The following FAM149A variants were observed in gnomAD, a reference collection of about 807,000 sequenced individuals.
The protein encoded by FAM149A is protein FAM149A.
Under a neutral mutation model 78.2 loss-of-function variants are expected in FAM149A, and 71 were observed. The ratio of observed to expected loss-of-function variants is 0.91; its 90% confidence interval spans 0.75 to 1.11. The LOEUF (loss-of-function observed/expected upper bound fraction) is 1.11, where lower values mean the gene tolerates loss of function less well. Ranked by LOEUF, FAM149A falls within the 50% of genes least tolerant of loss-of-function variation. The pLI is 0.00. For missense variants in FAM149A, 1,036 were observed against 971.0 expected, an observed-to-expected ratio of 1.07 and a Z score of -0.89; for synonymous variants, 446 against 410.5, an observed-to-expected ratio of 1.09 and a Z score of -1.04.
At chr4:186,109,099 G>C in intron 1 of FAM149A, 3 of 739,512 alleles carry the variant, frequency 4.1e-6, no homozygotes, top group Non-Finnish European at 5.0e-6. Flanking sequence ...TGCCCGCCTC[G>C]GCCTCCCGAA....
At chr4:186,145,058 G>T in intron 1 of FAM149A, 6 of 984,032 alleles carry the variant, frequency 6.1e-6, no homozygotes, top group Non-Finnish European at 7.2e-6. Context: ...CCCGAGCCTA[G>T]CGCGGAGCCT....
At position 186,105,419 on chromosome 4, in the gene FAM149A, G is replaced by A. The variant is rs1444620129; in HGVS notation, c.343G>A (p.Gly115Ser). ...CCCGCCCCAGCCCCCCACTCCCTCCGGCGGGGGCTGCTCCCCTGCTCGCCT... is the reference window on the plus strand; with the variant it reads ...CCCGCCCCAGCCCCCCACTCCCTCCAGCGGGGGCTGCTCCCCTGCTCGCCT... Residue 115 changes from glycine (G) to serine (S), a missense_variant, in exon 1 of 14, where the codon GGC (glycine) becomes AGC (serine). Physicochemically the swap from Gly to Ser is moderately conservative, Grantham distance 56. Coordinates refer to ENST00000389354, the MANE Select transcript of FAM149A (RefSeq NM_001367768.3). 1.7e-6 allele frequency: 2 copies of A among 1,196,334 alleles called. No individual in the cohort carries two copies. Among genetic ancestry groups the A allele is most frequent in the South Asian group, 1.5e-5 (1 of 67,754 alleles). The allele number at this position is 1,196,334 out of a possible 1,614,324, so 74.1% of individuals were successfully genotyped here.
intron 1 of FAM149A, chr4:186,132,983 G>A (rs947576104): frequency 7.1e-6 from 7 of 985,316 alleles, no homozygotes; most frequent in South Asian, 4.7e-5. Flanking sequence ...AGACATTGAC[G>A]CTGTGCTCTG....
At chr4:186,142,767 C>G (rs2099326370) in intron 1 of FAM149A, among the ~76,000 whole-genome samples, 2 of 152,178 alleles carry the variant, frequency 1.3e-5, no homozygotes, top group Admixed American at 6.5e-5. Context: ...TTCTTAGAGC[C>G]TCCACACCAG....
rs1462361223 is a variant in FAM149A, at chr4:186,154,644, T to C, written c.1229+6T>C. 1.2e-6 allele frequency: 2 copies of C among 1,609,786 alleles called. No individual in the cohort carries two copies. Among genetic ancestry groups the C allele is most frequent in the Non-Finnish European group, 8.5e-7 (1 of 1,176,784 alleles). ...GCTTTTGACAGAAAAGAGGAGTAAA[T>C]AGAATCTTATTTGACATTGACCTCA... On this transcript the variant is annotated splice_donor_region_variant and intron_variant, in intron 6 of 13. Coordinates refer to ENST00000389354, the MANE Select transcript of FAM149A (RefSeq NM_001367768.3).
At position 186,127,343 on chromosome 4, in the gene FAM149A, C is replaced by T. The variant is rs548706567; in HGVS notation, c.566+21701C>T. 126 of 985,450 alleles carry T rather than the reference C, an allele frequency of 1.3e-4. No homozygotes were observed. The African/African-American group carries it at 2.1e-3, about 17-fold the overall frequency. 61.0% of individuals were successfully genotyped at this position (985,450 alleles called of 1,614,324 possible). On this transcript the variant is annotated intron_variant, in intron 1 of 13. Transcript: ENST00000389354. ...AGAAGTAGGTTTACTTCACAGTAAA[C>T]ATCCTTCCAGTCTACCTGGATTCCA...
At chr4:186,135,043 C>T (rs2099322153) in intron 1 of FAM149A, among the ~76,000 whole-genome samples, 2 of 152,176 alleles carry the variant, frequency 1.3e-5, no homozygotes, top group Non-Finnish European at 2.9e-5. Context: ...ACGTGGGATC[C>T]TGAGAAATCC....
intron 1 of FAM149A, among the ~76,000 whole-genome samples, chr4:186,106,479 T>G (rs1215288665): frequency 1.3e-5 from 2 of 152,264 alleles, no homozygotes; most frequent in Admixed American, 1.3e-4. Flanking sequence ...AATAGTGAAA[T>G]GGTCAAAGAC....
intron 1 of FAM149A, among the ~76,000 whole-genome samples, chr4:186,134,063 C>T (rs1213596725): frequency 2.0e-5 from 3 of 152,194 alleles, no homozygotes; most frequent in Non-Finnish European, 2.9e-5. Flanking sequence ...TTTTTTTATA[C>T]TAGCTGCACC....
chr4:186,120,432 T>C (rs1268796943), intron 1 of FAM149A, among the ~76,000 whole-genome samples: 1 of 152,108 alleles, frequency 6.6e-6, no homozygotes, highest in African/African-American at 2.4e-5. Flanking sequence ...TCCAAAGTAA[T>C]TCATGGTATT....
intron 1 of FAM149A, among the ~76,000 whole-genome samples, chr4:186,142,809 C>T (rs1219402312): frequency 6.6e-6 from 1 of 152,152 alleles, no homozygotes. Flanking sequence ...ACTGAGCAAC[C>T]CCACGGGGAG....
intron 1 of FAM149A, chr4:186,131,715 T>TG (rs1169163270): frequency 5.9e-6 from 1 of 169,312 alleles, no homozygotes; most frequent in Non-Finnish European, 1.2e-5. Context: ...GATCTGAATA[T>TG]GAAAGGTAAA....
At chr4:186,128,033 C>G (rs1323339365) in intron 1 of FAM149A, among the ~76,000 whole-genome samples, 1 of 90,580 alleles carries the variant, frequency 1.1e-5, no homozygotes, top group Non-Finnish European at 2.0e-5. Context: ...TTTTGTTGCC[C>G]AGGCTGGAGT....
At chr4:186,142,487 T>A (rs2099326259) in intron 1 of FAM149A, among the ~76,000 whole-genome samples, 1 of 152,316 alleles carries the variant, frequency 6.6e-6, no homozygotes, top group Non-Finnish European at 1.5e-5. Flanking sequence ...GTTCTTCCCA[T>A]TGAGAGCTGG....
intron 1 of FAM149A, among the ~76,000 whole-genome samples, chr4:186,128,600 T>G (rs962105370): frequency 5.3e-5 from 8 of 152,240 alleles, no homozygotes; most frequent in Non-Finnish European, 1.2e-4. Flanking sequence ...GGCTGAGCTC[T>G]GCTTAATGGA....
At chr4:186,135,840 G>A (rs1025045709) in intron 1 of FAM149A, among the ~76,000 whole-genome samples, 4 of 152,296 alleles carry the variant, frequency 2.6e-5, no homozygotes, top group East Asian at 1.9e-4. Flanking sequence ...TGTTGACAGC[G>A]TGAGAGCTGA....
At chr4:186,163,387 A>C in intron 9 of FAM149A, 37 bp from the exon 10 acceptor site, 1 of 1,546,910 alleles carries the variant, frequency 6.5e-7, no homozygotes, top group South Asian at 1.1e-5. Flanking sequence ...TTATCACAGC[A>C]CTCGCAGCTG....
At position 186,173,719 on chromosome 4, in the gene FAM149A, G is replaced by GCAGCAGCAGCA. The variant is rs1561423537; in HGVS notation, c.*1732_*1733insCAGCAGCAGCA. 8.9e-6 allele frequency among the ~76,000 whole-genome samples: 1 copy of GCAGCAGCAGCA among 111,954 alleles called. No homozygotes were observed. The highest frequency in any genetic ancestry group is 2.8e-5 in the African/African-American group (1 of 35,638). The allele number at this position is 111,954 out of a possible 152,430, so 73.4% of individuals were successfully genotyped here. A position where few individuals can be genotyped will look rare whatever the true frequency, so the allele number is the denominator to read the frequency against. On this transcript the variant is annotated 3_prime_UTR_variant, in exon 14 of 14. Transcript: ENST00000389354. ...CAGCAGCAGCAGCAGCAGCAGCAGC[G>GCAGCAGCAGCA]ACCACCAGGTCCATGCCTCTTTTCC... is the stretch of plus-strand genomic sequence containing the variant.
chr4:186,169,344 G>A (rs994387904), intron 13 of FAM149A: 11 of 985,260 alleles, frequency 1.1e-5, no homozygotes, highest in African/African-American at 3.5e-5. Context: ...GAGAGAACGC[G>A]GCTCAAAGGC....
Sources: allele counts gnomAD v4.1 joint callset (sites outside exome capture counted in the v4.1 genomes callset), GRCh38; gene constraint gnomAD v4.1.1; transcripts MANE v1.5; gene names NCBI Gene and HGNC (gene_info 2026-07-23, HGNC 2026-07-21).